Variants in TTC12 observed in about 807,000 individuals in gnomAD.
TTC12 encodes tetratricopeptide repeat domain 12.
Under a neutral mutation model 90.1 loss-of-function variants are expected in TTC12, and 70 were observed. The observed-to-expected ratio is 0.78, with a 90% CI of 0.64 to 0.95. TTC12 has a LOEUF of 0.95. Among genes scored for constraint, TTC12 ranks in the 40% least tolerant of loss-of-function variants. The probability of loss-of-function intolerance (pLI) is 0.00; values close to 1 mark genes in which losing one functional copy is unlikely to be tolerated. For missense variants in TTC12, 819 were observed against 846.1 expected (o/e 0.97, Z 0.40); for synonymous variants, 296 against 311.5 (o/e 0.95, Z 0.53).
intron 2 of TTC12, among the ~76,000 whole-genome samples, chr11:113,321,527 G>C (rs1265354567): frequency 6.6e-6 from 1 of 152,144 alleles, no homozygotes; most frequent in Non-Finnish European, 1.5e-5. Flanking sequence ...AAAAAAGTAG[G>C]TTGCAAATGA....
At chr11:113,366,102 T>TC in intron 21 of TTC12, 123 bp from the exon 22 acceptor site, 1 of 1,047,870 alleles carries the variant, frequency 9.5e-7, no homozygotes, top group Admixed American at 1.9e-5. Flanking sequence ...ACTTCCTGTT[T>TC]CCACCCAGAG....
intron 3 of TTC12, 46 bp from the exon 4 acceptor site, chr11:113,323,947 GT>G: frequency 6.5e-7 from 1 of 1,534,386 alleles, no homozygotes; most frequent in Non-Finnish European, 9.0e-7. Flanking sequence ...AATTAGAGTG[GT>G]TTTTGAAATT....
chr11:113,318,539 G>C (rs749149266), intron 2 of TTC12, among the ~76,000 whole-genome samples: 3 of 152,172 alleles, frequency 2.0e-5, no homozygotes, highest in Non-Finnish European at 4.4e-5. Flanking sequence ...GCAATGATTA[G>C]TTACTTCTTT....
chr11:113,339,670 C>T (rs1357284476), intron 10 of TTC12, 196 bp downstream of exon 10: 6 of 527,212 alleles, frequency 1.1e-5, no homozygotes, highest in South Asian at 6.6e-5. Flanking sequence ...ACAGAGCATG[C>T]GTACACTCAG....
At chr11:113,320,908 T>C (rs1947278552) in intron 2 of TTC12, among the ~76,000 whole-genome samples, 1 of 151,996 alleles carries the variant, frequency 6.6e-6, no homozygotes, top group Non-Finnish European at 1.5e-5. Context: ...CCAGGCATGG[T>C]GGTGTGTGCC....
intron 16 of TTC12, among the ~76,000 whole-genome samples, chr11:113,353,448 C>G (rs1555151216): frequency 3.3e-5 from 5 of 152,188 alleles, no homozygotes; most frequent in Non-Finnish European, 7.4e-5. Context: ...ATTTCCTTTG[C>G]TGTGCAGAAG....
intron 15 of TTC12, 122 bp from the exon 16 acceptor site, chr11:113,351,948 G>T (rs1354554993): frequency 1.6e-5 from 19 of 1,164,672 alleles, no homozygotes; most frequent in Middle Eastern, 2.9e-4. Context: ...GGATGCCCCT[G>T]TGTGACATGA....
chr11:113,324,741 G>C (rs887179605), intron 5 of TTC12, 59 bp downstream of exon 5: 3 of 1,455,014 alleles, frequency 2.1e-6, no homozygotes, highest in Middle Eastern at 1.7e-4. Context: ...AAGAGCACAC[G>C]AAGGCCTGTA....
intron 13 of TTC12, among the ~76,000 whole-genome samples, chr11:113,345,939 T>C (rs1948926988): frequency 6.6e-6 from 1 of 152,128 alleles, no homozygotes; most frequent in African/African-American, 2.4e-5. Context: ...CTCTCTAAGA[T>C]AGTCAGAGAA....
downstream of TTC12, chr11:113,368,574 C>G (rs1274191046): frequency 7.4e-7 from 1 of 1,350,198 alleles, no homozygotes; most frequent in Non-Finnish European, 1.0e-6. Context: ...GCAGAGGTGG[C>G]AGGTAACAGA....
At chr11:113,372,113 G>A (rs1486083493) in intron 21 of TTC12, among the ~76,000 whole-genome samples, 4 of 152,184 alleles carry the variant, frequency 2.6e-5, no homozygotes, top group Non-Finnish European at 5.9e-5. Flanking sequence ...CCTCCAAATG[G>A]CAGGCTGAGC....
chr11:113,323,497 G>A, intron 3 of TTC12, 46 bp downstream of exon 3: 1 of 1,341,964 alleles, frequency 7.5e-7, no homozygotes, highest in Non-Finnish European at 9.9e-7. Context: ...ACAGTGAGAA[G>A]ACCTACACCT....
At chr11:113,365,907 G>C (rs531907581) in intron 21 of TTC12, among the ~76,000 whole-genome samples, 1 of 152,208 alleles carries the variant, frequency 6.6e-6, no homozygotes, top group Non-Finnish European at 1.5e-5. Context: ...TTCTTCTATA[G>C]AAAGAAAGCA....
downstream of TTC12, among the ~76,000 whole-genome samples, chr11:113,367,996 C>T (rs1035776660): frequency 3.3e-5 from 5 of 152,168 alleles, no homozygotes; most frequent in Admixed American, 2.0e-4. Context: ...CACAGAATTC[C>T]GTGGAGCTTT....
intron 2 of TTC12, among the ~76,000 whole-genome samples, chr11:113,320,287 T>C (rs1175736745): frequency 2.0e-5 from 3 of 152,176 alleles, no homozygotes; most frequent in African/African-American, 7.2e-5. Context: ...CCTTTTGGCC[T>C]GCCATGCTCC....
At position 113,329,194 on chromosome 11, in the gene TTC12, G is replaced by A. The variant is rs147945773; in HGVS notation, c.445-726G>A. ...ATGGTAACATATTTAACCTTCTGAA[G>A]AACTTCCAGGCTATCTTCCAGATGG... On this transcript the variant is annotated intron_variant, in intron 6 of 21. Coordinates refer to ENST00000529221, the MANE Select transcript of TTC12 (RefSeq NM_017868.4). Among the ~76,000 whole-genome samples, 170 of 152,304 alleles carry A rather than the reference G, an allele frequency of 1.1e-3. No individual in the cohort carries two copies. The Middle Eastern group carries it at 0.031, about 27-fold the overall frequency.
At chr11:113,327,281 C>A (rs1947752043) in intron 6 of TTC12, among the ~76,000 whole-genome samples, 1 of 152,174 alleles carries the variant, frequency 6.6e-6, no homozygotes, top group Admixed American at 6.5e-5. Context: ...TGATTCCTCT[C>A]AGCTTTCCCA....
intron 14 of TTC12, 66 bp from the exon 15 acceptor site, chr11:113,351,173 G>A: frequency 6.9e-7 from 1 of 1,440,932 alleles, no homozygotes; most frequent in Non-Finnish European, 9.8e-7. Context: ...AACTATCTGA[G>A]ACACTGTATT....
intron 21 of TTC12, chr11:113,365,374 C>T (rs1950154189): frequency 3.3e-6 from 1 of 302,266 alleles, no homozygotes; most frequent in Non-Finnish European, 6.4e-6. Flanking sequence ...TCTCTTTATC[C>T]TCCTTCTTCC....
Sources: allele counts gnomAD v4.1 joint callset (sites outside exome capture counted in the v4.1 genomes callset), GRCh38; gene constraint gnomAD v4.1.1; transcripts MANE v1.5; gene names NCBI Gene and HGNC (gene_info 2026-07-23, HGNC 2026-07-21).